Variants in LARGE1 observed in about 807,000 individuals in gnomAD.
LARGE1 encodes xylosyl- and glucuronyltransferase LARGE1.
In LARGE1, 43 loss-of-function variants were observed where a neutral mutation model predicts 87.6. That is an observed-to-expected ratio of 0.49 (90% CI 0.38 to 0.63). The LOEUF is 0.63. LARGE1 is among the 30% of genes least tolerant of loss of function. LARGE1 has a pLI of 0.00. For synonymous variants in LARGE1, 434 were observed against 394.6 expected (o/e 1.10, Z -1.18); for missense variants, 802 against 1,000.2 (o/e 0.80, Z 2.67).
chr22:33,507,286 T>C (rs1345637132), intron 6 of LARGE1, among the ~76,000 whole-genome samples: 2 of 152,322 alleles, frequency 1.3e-5, no homozygotes, highest in South Asian at 4.1e-4. Context: ...AATGGGCATC[T>C]GGTGCTGGGA....
intron 6 of LARGE1, among the ~76,000 whole-genome samples, chr22:33,511,688 T>C (rs1194252095): frequency 6.6e-6 from 1 of 152,236 alleles, no homozygotes; most frequent in African/African-American, 2.4e-5. Flanking sequence ...TTCTTATCTC[T>C]GACTACCTCC....
At chr22:33,310,840 T>C (rs894284343) in intron 11 of LARGE1, among the ~76,000 whole-genome samples, 15 of 152,158 alleles carry the variant, frequency 9.9e-5, no homozygotes, top group Non-Finnish European at 2.1e-4. Flanking sequence ...GATACTGTCC[T>C]GATGGTGATA....
chr22:33,457,551 C>T (rs1005235610), intron 6 of LARGE1, among the ~76,000 whole-genome samples: 2 of 151,746 alleles, frequency 1.3e-5, no homozygotes, highest in Non-Finnish European at 2.9e-5. Context: ...TAATTGCTGA[C>T]CTCAAACACA....
the LARGE1 span, among the ~76,000 whole-genome samples, chr22:33,103,083 A>C: frequency 2.0e-5 from 3 of 151,986 alleles, no homozygotes; most frequent in African/African-American, 7.2e-5. Context: ...GCCTGTGAAC[A>C]TGATGGATAT....
intron 7 of LARGE1, among the ~76,000 whole-genome samples, chr22:33,394,938 G>A (rs924951165): frequency 2.0e-5 from 3 of 152,004 alleles, no homozygotes; most frequent in Non-Finnish European, 4.4e-5. Context: ...ATAAAAGGCC[G>A]GGAAAGGGCT....
intron 1 of LARGE1, among the ~76,000 whole-genome samples, chr22:33,870,217 G>A (rs2064233247): frequency 6.6e-6 from 1 of 152,202 alleles, no homozygotes; most frequent in Non-Finnish European, 1.5e-5. Context: ...CAGCCAGAGT[G>A]CCAAAGAGAA....
intron 6 of LARGE1, among the ~76,000 whole-genome samples, chr22:33,453,239 A>AC (rs1247964102): frequency 2.0e-5 from 3 of 152,000 alleles, no homozygotes; most frequent in African/African-American, 7.2e-5. Flanking sequence ...ATATGGTGAA[A>AC]CCCCATCTCT....
intron 9 of LARGE1, among the ~76,000 whole-genome samples, chr22:33,350,584 G>A (rs758713521): frequency 6.6e-6 from 1 of 152,142 alleles, no homozygotes; most frequent in African/African-American, 2.4e-5. Flanking sequence ...CTTGAGTCCC[G>A]TGGGATGTTG....
At chr22:33,719,926 GT>G (rs1203693680) in intron 2 of LARGE1, among the ~76,000 whole-genome samples, 1 of 152,100 alleles carries the variant, frequency 6.6e-6, no homozygotes, top group Non-Finnish European at 1.5e-5. Context: ...TGCTATACAG[GT>G]TTGCTGCCTA....
intron 11 of LARGE1, among the ~76,000 whole-genome samples, chr22:33,255,325 A>G (rs182845681): frequency 6.6e-6 from 1 of 152,336 alleles, no homozygotes; most frequent in Non-Finnish European, 1.5e-5. Context: ...ATAGCAGGAA[A>G]GGAGTAGAGC....
rs553476009 is a variant in LARGE1 at position 33,231,868 on chromosome 22, C to T, written c.1731-65036G>A. Among the ~76,000 whole-genome samples, 26 of 152,342 alleles carry T rather than the reference C, an allele frequency of 1.7e-4. No individual in the cohort carries two copies. The East Asian group carries it at 3.7e-3, about 21-fold the overall frequency. On this transcript the variant is annotated intron_variant, in intron 11 of 11. Transcript: ENST00000608642. ...ACTATTGCTATTACTACTATTACTACAACCATCATTAATTCTGCTGTTGTG... is the reference window on the plus strand; with the variant it reads ...ACTATTGCTATTACTACTATTACTATAACCATCATTAATTCTGCTGTTGTG...
At chr22:33,699,312 G>C (rs1189494603) in intron 2 of LARGE1, among the ~76,000 whole-genome samples, 2 of 152,220 alleles carry the variant, frequency 1.3e-5, no homozygotes, top group African/African-American at 2.4e-5. Flanking sequence ...GGGTGTCACA[G>C]GCTTCAGTGA....
At chr22:33,336,161 C>T (rs1438815944) in intron 10 of LARGE1, among the ~76,000 whole-genome samples, 3 of 152,148 alleles carry the variant, frequency 2.0e-5, no homozygotes, top group Non-Finnish European at 4.4e-5. Context: ...GCTTTGCATG[C>T]AACTTTTCAG....
chr22:33,770,878 C>G (rs562064498), intron 1 of LARGE1, among the ~76,000 whole-genome samples: 1 of 152,108 alleles, frequency 6.6e-6, no homozygotes, highest in African/African-American at 2.4e-5. Context: ...CTGTAATCTC[C>G]GCGTGACCAT....
chr22:33,423,386 TA>T (rs1442039495), intron 7 of LARGE1, among the ~76,000 whole-genome samples: 7 of 152,034 alleles, frequency 4.6e-5, no homozygotes, highest in African/African-American at 1.4e-4. Flanking sequence ...TTAAAAAAAT[TA>T]TAATTATGGC....
intron 1 of LARGE1, among the ~76,000 whole-genome samples, chr22:33,822,329 T>C (rs573616101): frequency 6.6e-6 from 1 of 152,220 alleles, no homozygotes; most frequent in Non-Finnish European, 1.5e-5. Context: ...GGCCGGCATC[T>C]GAAGTTCCCC....
At chr22:33,576,543 C>A (rs925125194) in intron 5 of LARGE1, among the ~76,000 whole-genome samples, 4 of 152,102 alleles carry the variant, frequency 2.6e-5, no homozygotes, top group Non-Finnish European at 5.9e-5. Flanking sequence ...TTAGATGACA[C>A]GGTGCTTTAT....
At chr22:33,124,874 A>T in the LARGE1 span, among the ~76,000 whole-genome samples, 1 of 152,208 alleles carries the variant, frequency 6.6e-6, no homozygotes, top group Admixed American at 6.5e-5. Flanking sequence ...TGGTGATGAA[A>T]GAAAGCAGCT....
intron 10 of LARGE1, among the ~76,000 whole-genome samples, chr22:33,324,308 A>C (rs1443963637): frequency 2.1e-5 from 3 of 142,156 alleles, no homozygotes; most frequent in Non-Finnish European, 4.6e-5. Flanking sequence ...CCCCCCCCAA[A>C]ACAAACAACA....
Sources: gnomAD v4.1 joint callset for allele counts (sites outside exome capture counted in the v4.1 genomes callset) on GRCh38, gnomAD v4.1.1 for gene constraint, MANE v1.5 for transcripts, NCBI Gene and HGNC (gene_info 2026-07-23, HGNC 2026-07-21) for gene names.